SLC36A2: variants seen among roughly 807,000 people sequenced by gnomAD.
The protein encoded by SLC36A2 is solute carrier family 36 member 2.
Under a neutral mutation model 42.7 loss-of-function variants are expected in SLC36A2, and 39 were observed. The observed-to-expected ratio is 0.91, with a 90% confidence interval of 0.71 to 1.19. The LOEUF is 1.19. Ranked by LOEUF, SLC36A2 falls within the 50% of genes most tolerant of loss-of-function variation. The pLI is 0.00. For synonymous variants in SLC36A2, 237 were observed against 240.8 expected (o/e 0.98, Z 0.15); for missense variants, 590 against 613.7 (o/e 0.96, Z 0.41).
rs17802414 is a variant in SLC36A2, at chr5:151,347,314, C to T, written c.147G>A (p.Lys49=). The T allele has an allele frequency of 3.4e-3, 5,529 of 1,614,216 alleles. 260 individuals are homozygous for T. The East Asian group carries it at 0.11, about 31-fold the overall frequency. ...GCACTCACGTTATGCCCTTGGTCTTCTTCAAGCCTGCTGACTCTGAAGGAC... is the reference window on the plus strand; with the variant it reads ...GCACTCACGTTATGCCCTTGGTCTTTTTCAAGCCTGCTGACTCTGAAGGAC... ...DESPSESAGL[K]KTKGITVFQA... is the part of the protein sequence containing the mutation. Residue 49 remains lysine, a synonymous_variant, in exon 1 of 10, where the codon AAG becomes AAA. Transcript: ENST00000335244.
rs1021638633 is a variant in SLC36A2, at chr5:151,319,139, A to G, written c.1181-2051T>C. On this transcript the variant is annotated intron_variant, in intron 9 of 9. Transcript: ENST00000335244. Reference sequence around the variant, plus strand: ...TCTGCATAGGACATAAAAGTCTTCAATGAGATTTTTCATGTAAAGCATTCA... The same window carrying G: ...TCTGCATAGGACATAAAAGTCTTCAGTGAGATTTTTCATGTAAAGCATTCA... 15 of 975,548 alleles carry G rather than the reference A, an allele frequency of 1.5e-5. No individual in the cohort carries two copies. In the African/African-American group the frequency reaches 2.6e-4, roughly 17 times the overall value. 60.4% of individuals were successfully genotyped at this position (975,548 alleles called of 1,614,324 possible). A position where few individuals can be genotyped will look rare whatever the true frequency, so the allele number is the denominator to read the frequency against.
At chr5:151,338,109 A>G (rs1756209291) in intron 5 of SLC36A2, among the ~76,000 whole-genome samples, 1 of 152,236 alleles carries the variant, frequency 6.6e-6, no homozygotes. Context: ...AATGATGGAA[A>G]GCATGTAAAA....
At chr5:151,340,376 A>T (rs992023167) in intron 4 of SLC36A2, among the ~76,000 whole-genome samples, 2 of 152,190 alleles carry the variant, frequency 1.3e-5, no homozygotes, top group Non-Finnish European at 2.9e-5. Context: ...TGAATCTTTG[A>T]ACTTGAGGTT....
At chr5:151,330,936 A>G (rs898766335) in intron 7 of SLC36A2, among the ~76,000 whole-genome samples, 3 of 152,246 alleles carry the variant, frequency 2.0e-5, no homozygotes, top group Non-Finnish European at 2.9e-5. Flanking sequence ...GTGGAATACT[A>G]TAGAACTATA....
At chr5:151,331,232 AACTCTT>A (rs1301515104) in intron 7 of SLC36A2, among the ~76,000 whole-genome samples, 1 of 152,162 alleles carries the variant, frequency 6.6e-6, no homozygotes, top group Non-Finnish European at 1.5e-5. Flanking sequence ...AAAACCATAA[AACTCTT>A]AGAAGAAAAC....
intron 9 of SLC36A2, among the ~76,000 whole-genome samples, chr5:151,318,433 TAAA>T (rs1267959894): frequency 3.4e-5 from 5 of 146,200 alleles, no homozygotes; most frequent in African/African-American, 1.2e-4. Context: ...ATAATATAAA[TAAA>T]TAATACAAAT....
In SLC36A2 at chr5:151,325,237, G is replaced by A. The variant is rs753576922; in HGVS notation, c.1010+49C>T. The stretch of plus-strand genomic sequence containing the variant: ...GAAGGGAGGAGGAAGTGACCTATAC[G>A]TTTCCACCCATTCCTGAGTCCCCAC... On this transcript the variant is annotated intron_variant, in intron 8 of 9. Transcript: ENST00000335244. 27 of 1,596,626 alleles carry A rather than the reference G, an allele frequency of 1.7e-5. No homozygotes were observed. In the South Asian group the frequency reaches 2.1e-4, roughly 13 times the overall value.
At chr5:151,322,455 C>G (rs908380954) in intron 8 of SLC36A2, among the ~76,000 whole-genome samples, 1 of 152,130 alleles carries the variant, frequency 6.6e-6, no homozygotes, top group African/African-American at 2.4e-5. Flanking sequence ...AAATAAAAAC[C>G]ATCTTGAGCT....
At chr5:151,324,426 A>G (rs944809364) in intron 8 of SLC36A2, among the ~76,000 whole-genome samples, 1 of 151,916 alleles carries the variant, frequency 6.6e-6, no homozygotes, top group East Asian at 1.9e-4. Context: ...TCTGCCTCCC[A>G]GGTTTAAGTG....
At position 151,335,927 on chromosome 5, in the gene SLC36A2, C is replaced by T. The variant is rs554475553; in HGVS notation, c.526-380G>A. 2.6e-5 allele frequency among the ~76,000 whole-genome samples: 4 copies of T among 151,546 alleles called. No homozygotes were observed. In the South Asian group the frequency reaches 8.3e-4, roughly 32 times the overall value. The stretch of plus-strand genomic sequence containing the variant: ...CCTGTAATTCCAGCTACTCAGGAGG[C>T]TGAGGCACAAGAATCGCTTGAGCCA... On this transcript the variant is annotated intron_variant, in intron 5 of 9. Transcript: ENST00000335244.
At chr5:151,344,805 A>G (rs1415952984) in intron 1 of SLC36A2, among the ~76,000 whole-genome samples, 6 of 152,212 alleles carry the variant, frequency 3.9e-5, no homozygotes, top group African/African-American at 1.2e-4. Context: ...AACTAGCTCA[A>G]TGTCATAAAA....
chr5:151,347,202 TG>T, intron 1 of SLC36A2, 94 bp downstream of exon 1: 1 of 1,469,662 alleles, frequency 6.8e-7, no homozygotes, highest in South Asian at 1.1e-5. Context: ...ATCTGCACAG[TG>T]GGTTGAGGGT....
rs149287841 is a variant in SLC36A2, at chr5:151,344,304, T to G, written c.165-37A>C. 5.9e-4 allele frequency: 915 copies of G among 1,558,266 alleles called. 6 individuals are homozygous for G. The African/African-American group carries it at 0.01, about 18-fold the overall frequency. ...GAAGGAGATGTGAAGTATGGGTGTG[T>G]GGAGGTGAGAAGATCCAGCGGTGAT... On this transcript the variant is annotated intron_variant, in intron 1 of 9. Coordinates refer to ENST00000335244, the MANE Select transcript of SLC36A2 (RefSeq NM_181776.3).
chr5:151,336,005 C>CAAAA (rs543628468), intron 5 of SLC36A2, among the ~76,000 whole-genome samples: 1 of 120,356 alleles, frequency 8.3e-6, no homozygotes. Flanking sequence ...CCTGTATCCA[C>CAAAA]AAAAAAAAAA....
intron 1 of SLC36A2, among the ~76,000 whole-genome samples, chr5:151,345,531 G>C (rs1756466590): frequency 6.6e-6 from 1 of 152,126 alleles, no homozygotes; most frequent in Admixed American, 6.5e-5. Context: ...GATTCATCAA[G>C]GGTTAAAGAG....
rs1244452691 is a variant in SLC36A2 at position 151,315,959 on chromosome 5, GC to G, written c.*857del. On this transcript the variant is annotated 3_prime_UTR_variant, in exon 10 of 10. Transcript: ENST00000335244. ...TATCTAATCGTTTGAAATGTTTGTTGCCCCTCATTTAATATGCATGGCTCCT... is the reference window on the plus strand; with the variant it reads ...TATCTAATCGTTTGAAATGTTTGTTGCCCTCATTTAATATGCATGGCTCCT... 1.3e-5 allele frequency: 2 copies of G among 152,146 alleles called. No homozygotes were observed. The highest frequency in any genetic ancestry group is 4.8e-5 in the African/African-American group (2 of 41,434). The allele number at this position is 152,146 out of a possible 1,614,324, so 9.4% of individuals were successfully genotyped here. A position where few individuals can be genotyped will look rare whatever the true frequency, so the allele number is the denominator to read the frequency against.
intron 5 of SLC36A2, among the ~76,000 whole-genome samples, chr5:151,336,371 C>G (rs1007943375): frequency 2.0e-5 from 3 of 151,882 alleles, no homozygotes; most frequent in Non-Finnish European, 4.4e-5. Flanking sequence ...GCTACCCTGG[C>G]TCCTGTTCTT....
chr5:151,334,616 G>A (rs544728114), intron 6 of SLC36A2, among the ~76,000 whole-genome samples: 7 of 152,102 alleles, frequency 4.6e-5, no homozygotes, highest in African/African-American at 9.7e-5. Context: ...GCTTGAACCC[G>A]GGAGGCAGAG....
At chr5:151,330,100 A>C (rs559191180) in intron 7 of SLC36A2, among the ~76,000 whole-genome samples, 1 of 152,212 alleles carries the variant, frequency 6.6e-6, no homozygotes. Flanking sequence ...TCTAGCATTC[A>C]GGTTATTGGG....
Sources: gnomAD v4.1 joint callset for allele counts (sites outside exome capture counted in the v4.1 genomes callset) on GRCh38, gnomAD v4.1.1 for gene constraint, MANE v1.5 for transcripts, NCBI Gene and HGNC (gene_info 2026-07-23, HGNC 2026-07-21) for gene names.